Variants in C2CD2 observed in about 807,000 individuals in gnomAD.
C2CD2 encodes the protein C2 domain-containing protein 2.
Under a neutral mutation model 74.3 loss-of-function variants are expected in C2CD2, and 43 were observed. The ratio of observed to expected loss-of-function variants is 0.58; its 90% CI spans 0.45 to 0.75. The LOEUF is 0.75. Ranked by LOEUF, C2CD2 falls within the 30% of genes least tolerant of loss-of-function variation. The pLI is 0.00. For missense variants in C2CD2, 801 were observed against 916.3 expected (o/e 0.87, Z 1.63); for synonymous variants, 422 against 390.7 (o/e 1.08, Z -0.94).
In C2CD2 at chr21:41,951,049, G is replaced by A. The variant is rs945697466; in HGVS notation, c.279+2321C>T. Reference sequence around the variant, plus strand: ...CCGGGATTAGTGGGAATGGAGGTGGGGGAGGGCAGCCACGAATGGACACAG... The same window carrying A: ...CCGGGATTAGTGGGAATGGAGGTGGAGGAGGGCAGCCACGAATGGACACAG... On this transcript the variant is annotated intron_variant, in intron 1 of 13. Transcript: ENST00000380486. 2.0e-5 allele frequency among the ~76,000 whole-genome samples: 3 copies of A among 152,092 alleles called. No individual in the cohort carries two copies. In the South Asian group the frequency reaches 6.2e-4, roughly 32 times the overall value.
chr21:41,912,293 G>A (rs761089429), intron 7 of C2CD2, 39 bp downstream of exon 7: 50 of 1,293,558 alleles, frequency 3.9e-5, no homozygotes, highest in South Asian at 7.4e-5. Flanking sequence ...GAACAGACAC[G>A]GCCGTGGACA....
rs1008601721 is a variant in C2CD2 at position 41,921,911 on chromosome 21, C to T, written c.492+61G>A. On this transcript the variant is annotated intron_variant, in intron 3 of 13. Coordinates refer to ENST00000380486, the MANE Select transcript of C2CD2 (RefSeq NM_015500.2). ...AGCCCTCTGACTCACACCATGCTCA[C>T]TCTTCACATTTCTGAGAACTGTGAC... is the stretch of plus-strand genomic sequence containing the variant. 1.2e-5 allele frequency: 12 copies of T among 1,013,164 alleles called. No individual in the cohort carries two copies. In the African/African-American group the frequency reaches 1.7e-4, roughly 15 times the overall value. 62.8% of individuals were successfully genotyped at this position (1,013,164 alleles called of 1,614,324 possible).
chr21:41,920,607 T>C (rs1427995784), intron 3 of C2CD2, among the ~76,000 whole-genome samples: 1 of 152,216 alleles, frequency 6.6e-6, no homozygotes, highest in Non-Finnish European at 1.5e-5. Context: ...AGACCACTCT[T>C]GCATCTCTGG....
At chr21:41,916,818 C>T (rs556959618) in intron 5 of C2CD2, among the ~76,000 whole-genome samples, 35 of 152,226 alleles carry the variant, frequency 2.3e-4, no homozygotes, top group African/African-American at 8.2e-4. Context: ...AAGTTATGAT[C>T]GTCTGGGTCC....
At chr21:41,930,711 C>CA (rs200200446) in intron 2 of C2CD2, among the ~76,000 whole-genome samples, 13,542 of 130,456 alleles carry the variant, frequency 0.1, 1,471 homozygotes, top group Admixed American at 0.16. Flanking sequence ...CAAAACAAAA[C>CA]AAAAAAAAAA....
At chr21:41,911,073 A>T (rs2065020473) in intron 7 of C2CD2, among the ~76,000 whole-genome samples, 1 of 151,960 alleles carries the variant, frequency 6.6e-6, no homozygotes, top group Non-Finnish European at 1.5e-5. Context: ...AGTGATTTTT[A>T]AAATCTTATT....
At chr21:41,901,279 C>T (rs1423946199) in intron 12 of C2CD2, 2 of 348,182 alleles carry the variant, frequency 5.7e-6, no homozygotes, top group Non-Finnish European at 1.1e-5. Flanking sequence ...GTGAAAGTTC[C>T]CCGTGACTGG....
rs1423980433 is a variant in C2CD2 at position 41,907,907 on chromosome 21, G to A, written c.1019-123C>T. The A allele has an allele frequency of 3.1e-6, 3 of 960,372 alleles. No individual in the cohort carries two copies. In the East Asian group the frequency reaches 7.2e-5, roughly 23 times the overall value. The allele number at this position is 960,372 out of a possible 1,614,324, so 59.5% of individuals were successfully genotyped here. On this transcript the variant is annotated intron_variant, in intron 8 of 13. Coordinates refer to ENST00000380486, the MANE Select transcript of C2CD2 (RefSeq NM_015500.2). ...TCCCGTGCATCCAGCCCACGGGGAA[G>A]TGCTCACGTTTCAGAATGTTTGAAA...
intron 2 of C2CD2, among the ~76,000 whole-genome samples, chr21:41,940,702 TAG>T (rs1422538389): frequency 2.0e-5 from 3 of 152,244 alleles, no homozygotes. Flanking sequence ...CTTTCCAAAA[TAG>T]ATTCTTTATA....
rs2064867696 is a variant in C2CD2, at chr21:41,899,536, G to A, written c.1561-174C>T. On this transcript the variant is annotated intron_variant, in intron 12 of 13. Coordinates refer to ENST00000380486, the MANE Select transcript of C2CD2 (RefSeq NM_015500.2). This position sits in a 1 kb window ranked among gnomAD's most constrained non-coding sequence, Gnocchi z 4.4. ...CATCACGGCCGTTGCTCATGCTTGG[G>A]TTAAAAAAGGTCTCCCTTACAGCCA... 6.6e-6 allele frequency among the ~76,000 whole-genome samples: 1 copy of A among 152,172 alleles called. No homozygotes were observed.
At chr21:41,928,312 G>A (rs1360458069) in intron 2 of C2CD2, among the ~76,000 whole-genome samples, 1 of 152,076 alleles carries the variant, frequency 6.6e-6, no homozygotes, top group African/African-American at 2.4e-5. Context: ...CTGCAGGCTG[G>A]CTCGGCCCAG....
chr21:41,926,697 T>G lies in C2CD2; in HGVS notation c.379-4612A>C. The G allele has an allele frequency of 1.2e-6, 1 of 858,622 alleles. No homozygotes were observed. The highest frequency in any genetic ancestry group is 1.4e-6 in the Non-Finnish European group (1 of 714,152). 53.2% of individuals were successfully genotyped at this position (858,622 alleles called of 1,614,324 possible). ...AAGAGAGCCCCTGAGTCTTCAGATC[T>G]CACTGTGCCCTTTCACTTTCCTTTT... On this transcript the variant is annotated intron_variant, in intron 2 of 13. Coordinates refer to ENST00000380486, the MANE Select transcript of C2CD2 (RefSeq NM_015500.2). The surrounding 1 kb of genome is among the most constrained non-coding windows in gnomAD (Gnocchi z 8.0).
chr21:41,953,512 T>A lies in C2CD2; in HGVS notation c.137A>T (p.Gln46Leu). ...CTCTCCAGGCTCCACCGCCCGCCGC[T>A]GGGGCTGGGGTCGCGCCCTGGCCAG... ...WALARARPQPQRRAVEPGEGP... is the reference protein window; with the variant it reads ...WALARARPQPLRRAVEPGEGP... The change falls in exon 1 of 14, where the codon CAG becomes CTG. Residue 46 changes from glutamine to leucine, a missense_variant. Coordinates refer to ENST00000380486, the MANE Select transcript of C2CD2 (RefSeq NM_015500.2). The A allele has an allele frequency of 6.7e-7, 1 of 1,483,324 alleles. No homozygotes were observed. Among genetic ancestry groups the A allele is most frequent in the Non-Finnish European group, 8.9e-7 (1 of 1,118,274 alleles). 91.9% of individuals were successfully genotyped at this position (1,483,324 alleles called of 1,614,324 possible).
At chr21:41,950,288 G>A (rs1179083542) in intron 1 of C2CD2, among the ~76,000 whole-genome samples, 2 of 152,220 alleles carry the variant, frequency 1.3e-5, no homozygotes, top group Admixed American at 6.5e-5. Flanking sequence ...AGGCACGTGT[G>A]TCACTAAGCT....
In C2CD2 at chr21:41,888,290, C is replaced by T. The variant is rs985737326; in HGVS notation, c.*834G>A. 1.3e-5 allele frequency: 2 copies of T among 152,554 alleles called. No homozygotes were observed. Among genetic ancestry groups the T allele is most frequent in the Non-Finnish European group, 1.5e-5 (1 of 68,032 alleles). 9.5% of individuals were successfully genotyped at this position (152,554 alleles called of 1,614,324 possible). ...ACGTATGGCTCCTGACTTCATCTGA[C>T]AGGCCCGCTGTGCTCTTGTTTAGCA... On this transcript the variant is annotated 3_prime_UTR_variant, in exon 14 of 14. Coordinates refer to ENST00000380486, the MANE Select transcript of C2CD2 (RefSeq NM_015500.2).
chr21:41,914,524 C>T, intron 6 of C2CD2, 74 bp downstream of exon 6: 8 of 1,364,694 alleles, frequency 5.9e-6, no homozygotes, highest in African/African-American at 1.5e-5. Context: ...GAATCCAAGG[C>T]CCCCCGGAGC....
intron 5 of C2CD2, among the ~76,000 whole-genome samples, chr21:41,917,396 A>AT (rs1393887942): frequency 6.6e-6 from 1 of 152,224 alleles, no homozygotes; most frequent in Non-Finnish European, 1.5e-5. Context: ...CTGCCAAAAA[A>AT]ATATATTTTT....
chr21:41,899,032 G>C lies in C2CD2; in HGVS notation c.1870+21C>G, dbSNP rs778522591. The C allele has an allele frequency of 1.4e-5, 23 of 1,597,832 alleles. No homozygotes were observed. Among genetic ancestry groups the C allele is most frequent in the Non-Finnish European group, 2.0e-5 (23 of 1,169,148 alleles). On this transcript the variant is annotated intron_variant, in intron 13 of 13. Coordinates refer to ENST00000380486, the MANE Select transcript of C2CD2 (RefSeq NM_015500.2). This position sits in a 1 kb window ranked among gnomAD's most constrained non-coding sequence, Gnocchi z 4.4. Reference sequence around the variant, plus strand: ...AGCCACCAAGTGGGGGGCCCGGGATGGGGGGCTCGGGAGCAGGTACCTTTA... The same window carrying C: ...AGCCACCAAGTGGGGGGCCCGGGATCGGGGGCTCGGGAGCAGGTACCTTTA...
At chr21:41,940,536 T>C (rs1209776224) in intron 2 of C2CD2, among the ~76,000 whole-genome samples, 1 of 152,078 alleles carries the variant, frequency 6.6e-6, no homozygotes, top group African/African-American at 2.4e-5. Context: ...AACTTGATAA[T>C]AAAATGCAGA....
Sources: allele counts gnomAD v4.1 joint callset (sites outside exome capture counted in the v4.1 genomes callset), GRCh38; gene constraint gnomAD v4.1.1; non-coding constraint Gnocchi (gnomAD v3.1); transcripts MANE v1.5; gene names NCBI Gene and HGNC (gene_info 2026-07-23, HGNC 2026-07-21).